Variants in SYT7 observed in about 807,000 individuals in gnomAD.
SYT7 encodes synaptotagmin-7.
Under a neutral mutation model 75.1 loss-of-function variants are expected in SYT7, and 29 were observed. The ratio of observed to expected loss-of-function variants is 0.39; its 90% confidence interval spans 0.29 to 0.53. The LOEUF (loss-of-function observed/expected upper bound fraction) is 0.53. SYT7 is among the 20% of genes least tolerant of loss of function. The pLI is 0.77. For missense variants in SYT7, 693 were observed against 953.2 expected (o/e 0.73, Z 3.59); for synonymous variants, 376 against 401.7 (o/e 0.94, Z 0.76).
chr11:61,535,235 G>T (rs957621624), intron 7 of SYT7, among the ~76,000 whole-genome samples: 2 of 152,232 alleles, frequency 1.3e-5, no homozygotes, highest in Non-Finnish European at 2.9e-5. Context: ...AGAGACGGGC[G>T]AAGGCTGCCG....
Position 61,533,080 on chromosome 11 carries a change from CCTGGCACGGGGG to C in SYT7, c.1097_1108del (p.Ala366_Pro369del), listed in dbSNP as rs770367523. 337 of 1,611,624 alleles carry C rather than the reference CCTGGCACGGGGG, an allele frequency of 2.1e-4. No homozygotes were observed. Among genetic ancestry groups the C allele is most frequent in the Non-Finnish European group, 2.8e-4 (327 of 1,179,426 alleles). On this transcript the variant is annotated inframe_deletion, in exon 8 of 13. Transcript: ENST00000539008. ...GTCGGACTCATCGTGGGGTGTCTGG[CCTGGCACGGGGG>C]CTGTGTTCACCGCCTTCCCTCCTGC...
rs1245459985 is a variant in SYT7, at chr11:61,514,375, T to C, written c.*4252A>G. ...GAAATGAGGGACAGACAGCTTTGGA[T>C]GGGGTACTTAGTGCAGCTCCGGGAG... is the stretch of plus-strand genomic sequence containing the variant. On this transcript the variant is annotated 3_prime_UTR_variant, in exon 13 of 13. Coordinates refer to ENST00000539008, the MANE Select transcript of SYT7 (RefSeq NM_001365809.2). 2.0e-5 allele frequency among the ~76,000 whole-genome samples: 3 copies of C among 152,180 alleles called. No homozygotes were observed. Among genetic ancestry groups the C allele is most frequent in the African/African-American group, 7.2e-5 (3 of 41,434 alleles).
intron 6 of SYT7, chr11:61,540,524 C>G: frequency 1.0e-6 from 1 of 985,514 alleles, no homozygotes; most frequent in Non-Finnish European, 1.2e-6. Flanking sequence ...GAGGTGAGCT[C>G]TGGAGGTTGC....
At chr11:61,519,423 T>C (rs562254102) in intron 12 of SYT7, among the ~76,000 whole-genome samples, 10 of 152,242 alleles carry the variant, frequency 6.6e-5, no homozygotes, top group African/African-American at 2.2e-4. Flanking sequence ...AGTATGAGCA[T>C]TGGAGAAAAA....
At chr11:61,566,744 C>T (rs183413592) in intron 1 of SYT7, among the ~76,000 whole-genome samples, 33 of 152,316 alleles carry the variant, frequency 2.2e-4, no homozygotes, top group African/African-American at 7.7e-4. Flanking sequence ...ATGAATAATG[C>T]ATTGTTGTGC....
chr11:61,588,382 A>T, the SYT7 span: 1 of 152,188 alleles, frequency 6.6e-6, no homozygotes, highest in Non-Finnish European at 1.5e-5. Context: ...GGAAGGTGAG[A>T]GGGTTGAGGC....
intron 6 of SYT7, among the ~76,000 whole-genome samples, chr11:61,538,993 G>A (rs1250938936): frequency 6.6e-6 from 1 of 152,176 alleles, no homozygotes; most frequent in Admixed American, 6.5e-5. Flanking sequence ...ATGGCAACTC[G>A]GCCATAGTGG....
chr11:61,550,669 C>T (rs1024957507), intron 3 of SYT7, among the ~76,000 whole-genome samples: 4 of 152,114 alleles, frequency 2.6e-5, no homozygotes, highest in African/African-American at 9.7e-5. Context: ...GCCTCCATTT[C>T]CAGAGCCCAG....
chr11:61,559,353 G>A (rs2063580346), intron 1 of SYT7, among the ~76,000 whole-genome samples: 1 of 152,168 alleles, frequency 6.6e-6, no homozygotes, highest in African/African-American at 2.4e-5. Context: ...AAAAGTGTCA[G>A]GCACATGGCG....
intron 12 of SYT7, among the ~76,000 whole-genome samples, chr11:61,522,711 C>A (rs1047996742): frequency 3.3e-5 from 5 of 152,188 alleles, no homozygotes; most frequent in Non-Finnish European, 5.9e-5. Context: ...CACTGCCCCA[C>A]GCAGCTCACC....
At chr11:61,567,309 C>T (rs746533353) in intron 1 of SYT7, among the ~76,000 whole-genome samples, 157 of 151,868 alleles carry the variant, frequency 1.0e-3, no homozygotes, top group Non-Finnish European at 1.9e-3. Flanking sequence ...ATCATTTACA[C>T]GGCAAATATT....
At chr11:61,520,133 G>GGGCAAACTGGTCTCACACTCCTGA (rs1565159957) in intron 12 of SYT7, among the ~76,000 whole-genome samples, 69 of 147,918 alleles carry the variant, frequency 4.7e-4, no homozygotes, top group Middle Eastern at 3.6e-3. Flanking sequence ...CTCGTGATCT[G>GGGCAAACTGGTCTCACACTCCTGA]CCCGCCTTGG....
At chr11:61,555,488 A>G (rs2063473648) in intron 2 of SYT7, among the ~76,000 whole-genome samples, 1 of 151,986 alleles carries the variant, frequency 6.6e-6, no homozygotes, top group Admixed American at 6.5e-5. Context: ...CCCTCAGGGG[A>G]TGAATGTCCC....
At chr11:61,538,341 G>A (rs2062931831) in intron 6 of SYT7, 75 bp from the exon 7 acceptor site, 1 of 1,042,200 alleles carries the variant, frequency 9.6e-7, no homozygotes, top group Non-Finnish European at 1.4e-6. Flanking sequence ...GGGAAGGAGA[G>A]AGAGGGAGAG....
chr11:61,571,163 A>T (rs577820139), intron 1 of SYT7, among the ~76,000 whole-genome samples: 2 of 151,944 alleles, frequency 1.3e-5, no homozygotes, highest in African/African-American at 4.8e-5. Flanking sequence ...TTCCCTAAGA[A>T]CCCTCTCAGC....
intron 1 of SYT7, among the ~76,000 whole-genome samples, chr11:61,563,049 C>A (rs1330734488): frequency 6.6e-6 from 1 of 152,138 alleles, no homozygotes; most frequent in Non-Finnish European, 1.5e-5. Flanking sequence ...GCCACAGAGA[C>A]TCACCCTGGC....
Sources: gnomAD v4.1 joint callset for allele counts (sites outside exome capture counted in the v4.1 genomes callset) on GRCh38, gnomAD v4.1.1 for gene constraint, MANE v1.5 for transcripts, NCBI Gene and HGNC (gene_info 2026-07-23, HGNC 2026-07-21) for gene names.